The following TMEFF1 variants were observed in gnomAD, a reference collection of about 807,000 sequenced individuals.
The protein encoded by TMEFF1 is transmembrane protein with EGF like and two follistatin like domains 1, also known as tomoregulin-1.
In TMEFF1, 20 loss-of-function variants were observed where a neutral mutation model predicts 47.5. The ratio of observed to expected loss-of-function variants is 0.42; its 90% CI spans 0.30 to 0.61. The LOEUF is 0.61. TMEFF1 is among the 20% of genes least tolerant of loss of function. TMEFF1 has a pLI of 0.19. For synonymous variants in TMEFF1, 162 were observed against 166.3 expected, an observed-to-expected ratio of 0.97 and a Z score of 0.20; for missense variants, 411 against 471.1, an observed-to-expected ratio of 0.87 and a Z score of 1.18.
chr9:100,548,970 G>T (rs1399301152), intron 6 of TMEFF1, among the ~76,000 whole-genome samples: 1 of 152,114 alleles, frequency 6.6e-6, no homozygotes, highest in Non-Finnish European at 1.5e-5. Flanking sequence ...GCTTGAGTGG[G>T]AAGACTAGCT....
At chr9:100,527,711 G>C (rs1056466307) in intron 5 of TMEFF1, among the ~76,000 whole-genome samples, 9 of 152,184 alleles carry the variant, frequency 5.9e-5, no homozygotes, top group East Asian at 3.9e-4. Context: ...CAAAGCAGCC[G>C]GGAAGCTCGA....
At chr9:100,479,331 A>G (rs563119024) in intron 1 of TMEFF1, among the ~76,000 whole-genome samples, 2 of 152,322 alleles carry the variant, frequency 1.3e-5, no homozygotes, top group East Asian at 1.9e-4. Flanking sequence ...TCTGTTTACC[A>G]CATCTGGGCT....
At position 100,577,045 on chromosome 9, in the gene TMEFF1, A is replaced by G. The variant is rs1386723189; in HGVS notation, c.*445A>G. 1 of 154,138 alleles carries G rather than the reference A, an allele frequency of 6.5e-6. No individual in the cohort carries two copies. Among genetic ancestry groups the G allele is most frequent in the Non-Finnish European group, 1.4e-5 (1 of 68,996 alleles). 9.5% of individuals were successfully genotyped at this position (154,138 alleles called of 1,614,324 possible). A position where few individuals can be genotyped will look rare whatever the true frequency, so the allele number is the denominator to read the frequency against. On this transcript the variant is annotated 3_prime_UTR_variant, in exon 10 of 10. Transcript: ENST00000374879. ...TATTTAAATGTTTTTGAGATTTAGT[A>G]ACTGATTTTTTAGACACTGCCTATC... is the stretch of plus-strand genomic sequence containing the variant.
At chr9:100,551,656 T>A (rs1447449139) in intron 7 of TMEFF1, among the ~76,000 whole-genome samples, 1 of 152,220 alleles carries the variant, frequency 6.6e-6, no homozygotes, top group East Asian at 1.9e-4. Context: ...CACATAAGAA[T>A]TGATCTCTAA....
intron 7 of TMEFF1, among the ~76,000 whole-genome samples, chr9:100,557,297 G>A (rs188220368): frequency 9.9e-5 from 15 of 151,712 alleles, no homozygotes; most frequent in African/African-American, 3.6e-4. Flanking sequence ...CTCCCCATTC[G>A]CTTAACCACC....
Position 100,473,583 on chromosome 9 carries a change from T to A in TMEFF1, c.39T>A (p.Pro13=). Residue 13 remains proline (P), a synonymous_variant, in exon 1 of 10, where the codon CCT becomes CCA. Transcript: ENST00000374879. This position sits in a 1 kb window ranked among gnomAD's most constrained non-coding sequence, Gnocchi z 5.4. ...CCGCTGAGGCGCCGCTCCGGCTGCC[T>A]GCCGCGCCTCCGCTCGCCTTCTGCT... The part of the protein sequence containing the change: ...AAAAEAPLRL[P]AAPPLAFCCY... 1 of 1,549,676 alleles carries A rather than the reference T, an allele frequency of 6.5e-7. No homozygotes were observed. Among genetic ancestry groups the A allele is most frequent in the Non-Finnish European group, 8.7e-7 (1 of 1,149,722 alleles).
At chr9:100,547,573 CACCT>C (rs1687025218) in intron 5 of TMEFF1, among the ~76,000 whole-genome samples, 167 bp from the exon 6 acceptor site, 1 of 152,174 alleles carries the variant, frequency 6.6e-6, no homozygotes, top group Admixed American at 6.5e-5. Context: ...TCTAAATCCT[CACCT>C]AAAATTTTTT....
At chr9:100,553,200 A>G (rs1261349686) in intron 7 of TMEFF1, among the ~76,000 whole-genome samples, 2 of 152,254 alleles carry the variant, frequency 1.3e-5, no homozygotes, top group South Asian at 2.1e-4. Context: ...AGTTTCTTCC[A>G]TGAAGGATGA....
chr9:100,490,698 A>C (rs898882112), intron 1 of TMEFF1, among the ~76,000 whole-genome samples: 1 of 62,864 alleles, frequency 1.6e-5, no homozygotes, highest in African/African-American at 7.3e-5. Flanking sequence ...AATCACATTG[A>C]GGTTTTTTTT....
intron 8 of TMEFF1, among the ~76,000 whole-genome samples, chr9:100,563,064 C>T (rs1482348935): frequency 1.3e-5 from 2 of 152,182 alleles, no homozygotes; most frequent in African/African-American, 4.8e-5. Context: ...GATCCGCCCG[C>T]CTTGGCCTCC....
chr9:100,556,516 G>A (rs559441003), intron 7 of TMEFF1, among the ~76,000 whole-genome samples: 1 of 152,292 alleles, frequency 6.6e-6, no homozygotes, highest in East Asian at 1.9e-4. Flanking sequence ...TTGGTTAATA[G>A]AGGGGAGAGG....
intron 1 of TMEFF1, among the ~76,000 whole-genome samples, chr9:100,485,636 G>T (rs1837433065): frequency 6.6e-6 from 1 of 151,976 alleles, no homozygotes; most frequent in African/African-American, 2.4e-5. Flanking sequence ...TTTTAAGCTG[G>T]ATTGGGAGAT....
chr9:100,550,090 T>A lies in TMEFF1; in HGVS notation c.710-5T>A, dbSNP rs1838804013. 3.1e-6 allele frequency: 5 copies of A among 1,608,530 alleles called. No individual in the cohort carries two copies. The highest frequency in any genetic ancestry group is 4.2e-6 in the Non-Finnish European group (5 of 1,178,110). Reference sequence around the variant, plus strand: ...TTTTAATTTGAAAACCGTCTTCTCTTACAGATACAGATGACACTAGTTTGT... The same window carrying A: ...TTTTAATTTGAAAACCGTCTTCTCTAACAGATACAGATGACACTAGTTTGT... On this transcript the variant is annotated splice_polypyrimidine_tract_variant and splice_region_variant and intron_variant, in intron 6 of 9. Transcript: ENST00000374879.
intron 4 of TMEFF1, among the ~76,000 whole-genome samples, chr9:100,514,786 G>A (rs529725763): frequency 1.3e-5 from 2 of 151,982 alleles, no homozygotes; most frequent in African/African-American, 4.8e-5. Flanking sequence ...CCTGAGGTCA[G>A]GAGTTTGAGA....
chr9:100,524,544 T>G (rs1444254876), intron 5 of TMEFF1, among the ~76,000 whole-genome samples: 1 of 152,180 alleles, frequency 6.6e-6, no homozygotes, highest in Non-Finnish European at 1.5e-5. Flanking sequence ...AGGCTCACTA[T>G]AGTTGAGGCA....
chr9:100,511,893 C>T (rs1837973542), intron 3 of TMEFF1, among the ~76,000 whole-genome samples: 1 of 152,042 alleles, frequency 6.6e-6, no homozygotes, highest in Non-Finnish European at 1.5e-5. Context: ...AGGGAGAATT[C>T]TACCTTGTTA....
chr9:100,493,511 A>G (rs779308886), intron 1 of TMEFF1, among the ~76,000 whole-genome samples: 4 of 152,132 alleles, frequency 2.6e-5, no homozygotes, highest in Non-Finnish European at 4.4e-5. Flanking sequence ...ACTAGTGTGT[A>G]TTGTTTCTGA....
intron 7 of TMEFF1, among the ~76,000 whole-genome samples, chr9:100,553,722 A>G (rs1838867388): frequency 6.6e-6 from 1 of 152,198 alleles, no homozygotes; most frequent in African/African-American, 2.4e-5. Flanking sequence ...TGTATCTATG[A>G]TATGTAAACA....
chr9:100,576,384 A>G, intron 9 of TMEFF1, 132 bp from the exon 10 acceptor site: 2 of 1,143,210 alleles, frequency 1.7e-6, no homozygotes, highest in South Asian at 3.2e-5. Flanking sequence ...ATACCATCTC[A>G]TTTCCCTTTC....
Sources: allele counts gnomAD v4.1 joint callset (sites outside exome capture counted in the v4.1 genomes callset), GRCh38; gene constraint gnomAD v4.1.1; non-coding constraint Gnocchi (gnomAD v3.1); transcripts MANE v1.5; gene names NCBI Gene and HGNC (gene_info 2026-07-23, HGNC 2026-07-21).